The following LAMP2 variants were observed in gnomAD, a reference collection of about 807,000 sequenced individuals.
LAMP2 encodes lysosome-associated membrane glycoprotein 2.
A neutral mutation model predicts 25.6 loss-of-function variants in LAMP2; 4 were observed. The ratio of observed to expected loss-of-function variants is 0.16; its 90% CI spans 0.08 to 0.36. The LOEUF is 0.36. Among genes scored for constraint, LAMP2 ranks in the 10% least tolerant of loss-of-function variants. The pLI is 1.00. For synonymous variants in LAMP2, 108 were observed against 112.7 expected (o/e 0.96, Z 0.27); for missense variants, 272 against 301.4 (o/e 0.90, Z 0.72).
chrX:120,451,525 C>T (rs1201074905), intron 3 of LAMP2, among the ~76,000 whole-genome samples: 2 of 110,938 alleles, frequency 1.8e-5, no homozygotes, highest in African/African-American at 3.3e-5. Flanking sequence ...AGTGCAGTGG[C>T]GTAATCTTGG....
At chrX:120,434,617 T>C (rs949239612) in intron 8 of LAMP2, among the ~76,000 whole-genome samples, 1 of 111,842 alleles carries the variant, frequency 8.9e-6, no homozygotes, top group African/African-American at 3.2e-5. Context: ...AGAAGTGTAT[T>C]TGCAGAAGAA....
rs933435483 is a variant in LAMP2, at chrX:120,427,096, A to G, written c.*4227T>C. Among the ~76,000 whole-genome samples, 1 of 112,008 alleles carries G rather than the reference A, an allele frequency of 8.9e-6. No individual in the cohort carries two copies. Among genetic ancestry groups the G allele is most frequent in the Non-Finnish European group, 1.9e-5 (1 of 53,195 alleles). On this transcript the variant is annotated 3_prime_UTR_variant, in exon 9 of 9. Coordinates refer to ENST00000200639, the MANE Select transcript of LAMP2 (RefSeq NM_002294.3). ...GAGCTTCTGCATTGTGCTGAGAGGT[A>G]GATTGGGACTTAATCCTTGGAATGA...
chrX:120,435,284 C>T lies in LAMP2; in HGVS notation c.1094-3822G>A, dbSNP rs181979564. On this transcript the variant is annotated intron_variant, in intron 8 of 8. Coordinates refer to ENST00000200639, the MANE Select transcript of LAMP2 (RefSeq NM_002294.3). ...TAAATCACATGCATCTGAAAAGATT[C>T]GTGAAGCTACTCAATATCATTCATG... Among the ~76,000 whole-genome samples, 90 of 112,079 alleles carry T rather than the reference C, an allele frequency of 8.0e-4. 1 individual carries two copies. The highest frequency in any genetic ancestry group is 2.7e-3 in the African/African-American group (83 of 30,881).
chrX:120,469,202 G>T lies in LAMP2; in HGVS notation c.-33C>A. On this transcript the variant is annotated 5_prime_UTR_variant, in exon 1 of 9. Coordinates refer to ENST00000200639, the MANE Select transcript of LAMP2 (RefSeq NM_002294.3). ...CAGAGCAGGCGGCGACGGCGGCGAC[G>T]GCGGCGGTACAACAACAGCTGCAAC... 8.4e-7 allele frequency: 1 copy of T among 1,185,909 alleles called. No homozygotes were observed. Among genetic ancestry groups the T allele is most frequent in the Non-Finnish European group, 1.1e-6 (1 of 872,592 alleles).
intron 1 of LAMP2, among the ~76,000 whole-genome samples, chrX:120,464,568 C>T (rs1921457230): frequency 9.0e-6 from 1 of 111,275 alleles, no homozygotes; most frequent in Admixed American, 9.6e-5. Flanking sequence ...AAGATTTATT[C>T]CTATTTCCCC....
chrX:120,438,554 T>C, intron 8 of LAMP2: 2 of 751,782 alleles, frequency 2.7e-6, no homozygotes, highest in Non-Finnish European at 3.1e-6. Flanking sequence ...TAAATACAAA[T>C]GTATTCAAAA....
In LAMP2 at chrX:120,469,134, T is replaced by C. The variant is rs1921663246; in HGVS notation, c.36A>G (p.Ser12=). 1 of 1,212,096 alleles carries C rather than the reference T, an allele frequency of 8.3e-7. No individual in the cohort carries two copies. The highest frequency in any genetic ancestry group is 1.1e-6 in the Non-Finnish European group (1 of 895,535). ...GGACTAGGCAGACCAGAACGAGCCC[T>C]GAGCCCGGAACCGGGAAGAGGCGGA... ...VCFRLFPVPG[S]GLVLVCLVLG... The change falls in exon 1 of 9, where the codon TCA becomes TCG. Residue 12 remains serine, a synonymous_variant. Transcript: ENST00000200639.
intron 6 of LAMP2, among the ~76,000 whole-genome samples, chrX:120,443,309 C>T (rs2058581940): frequency 8.9e-6 from 1 of 111,928 alleles, no homozygotes; most frequent in African/African-American, 3.3e-5. Flanking sequence ...GCAGGATTCT[C>T]TTAGGAAACA....
chrX:120,441,894 A>C lies in LAMP2; in HGVS notation c.929T>G (p.Val310Gly). ...NISMYLVNGS[V>G]FSIANNNLSY... The stretch of plus-strand genomic sequence containing the variant: ...GAGATTGTTATTTGCAATGCTGAAA[A>C]CTTCAAAGAAAAGAAACAGGTTAGT... The change falls in exon 8 of 9, where the codon GTT (valine) becomes GGT (glycine). Residue 310 changes from valine to glycine, a missense_variant and splice_region_variant. Physicochemically the swap from Val to Gly is moderately radical, Grantham distance 109 (BLOSUM62 -3). Transcript: ENST00000200639. The C allele has an allele frequency of 8.3e-7, 1 of 1,208,147 alleles. No homozygotes were observed. Among genetic ancestry groups the C allele is most frequent in the Non-Finnish European group, 1.1e-6 (1 of 892,531 alleles).
rs753133641 is a variant in LAMP2 at position 120,431,063 on chromosome X, A to C, written c.*260T>G. The C allele has an allele frequency of 1.3e-5, 12 of 953,063 alleles. No individual in the cohort carries two copies. The highest frequency in any genetic ancestry group is 1.6e-5 in the Non-Finnish European group (12 of 760,357). The allele number at this position is 953,063 out of a possible 1,213,427, so 78.5% of individuals were successfully genotyped here. A position where few individuals can be genotyped will look rare whatever the true frequency, so the allele number is the denominator to read the frequency against. ...ATCAAAATTTGGCCAGGGCTTCTTA[A>C]GATAGACCTTAAAACATTGCACGTT... On this transcript the variant is annotated 3_prime_UTR_variant, in exon 9 of 9. Coordinates refer to ENST00000200639, the MANE Select transcript of LAMP2 (RefSeq NM_002294.3).
In LAMP2 at chrX:120,431,466, G is replaced by A. The variant is rs768756537; in HGVS notation, c.1094-4C>T. On this transcript the variant is annotated splice_region_variant and splice_polypyrimidine_tract_variant and intron_variant, in intron 8 of 8. Coordinates refer to ENST00000200639, the MANE Select transcript of LAMP2 (RefSeq NM_002294.3). Reference sequence around the variant, plus strand: ...TCATCTGCACTGCAGTCTTGAGCTAGATGTGGAGAAAGGACAATTGAGAAC... The same window carrying A: ...TCATCTGCACTGCAGTCTTGAGCTAAATGTGGAGAAAGGACAATTGAGAAC... 3.5e-5 allele frequency: 42 copies of A among 1,202,962 alleles called. No homozygotes were observed. The South Asian group carries it at 7.4e-4, about 21-fold the overall frequency.
intron 1 of LAMP2, among the ~76,000 whole-genome samples, chrX:120,459,475 T>C (rs1462458361): frequency 9.0e-6 from 1 of 111,529 alleles, no homozygotes; most frequent in African/African-American, 3.3e-5. Context: ...AGGTGTGGAG[T>C]AACAGAAGCA....
At position 120,431,387 on chromosome X, in the gene LAMP2, A is replaced by G; in HGVS notation, c.1169T>C (p.Ile390Thr). ...AATAAAATAAGCCAGCAACACTAGA[A>G]TAAGTACTCCTGCCAAGGCAGCTCC... ...AVGAALAGVL[I>T]LVLLAYFIGL... is the part of the protein sequence containing the mutation. Residue 390 changes from isoleucine (I) to threonine (T), a missense_variant, in exon 9 of 9, where the codon ATT (isoleucine) becomes ACT (threonine). By Grantham distance (89) the Ile-to-Thr change is moderately conservative. Transcript: ENST00000200639. 8.3e-7 allele frequency: 1 copy of G among 1,210,848 alleles called. No homozygotes were observed. The highest frequency in any genetic ancestry group is 1.1e-6 in the Non-Finnish European group (1 of 894,501).
chrX:120,439,895 A>C (rs975879618), intron 8 of LAMP2, among the ~76,000 whole-genome samples: 1 of 111,155 alleles, frequency 9.0e-6, no homozygotes, highest in African/African-American at 3.3e-5. Context: ...ATGTGATGAG[A>C]ATAGCCAGGC....
Position 120,427,829 on chromosome X carries a change from T to C in LAMP2, c.*3494A>G, listed in dbSNP as rs180681121. Reference sequence around the variant, plus strand: ...TTCAGTATAAATGTCAAGTCTGAGATAATCAGTATATTCCAAACTCTAGAA... The same window carrying C: ...TTCAGTATAAATGTCAAGTCTGAGACAATCAGTATATTCCAAACTCTAGAA... On this transcript the variant is annotated 3_prime_UTR_variant, in exon 9 of 9. Transcript: ENST00000200639. The C allele has an allele frequency of 1.7e-3, 186 of 111,583 alleles. 2 individuals are homozygous for C. Among genetic ancestry groups the C allele is most frequent in the African/African-American group, 5.8e-3 (180 of 30,840 alleles). 9.2% of individuals were successfully genotyped at this position (111,583 alleles called of 1,213,427 possible).
At chrX:120,447,805 C>A in intron 5 of LAMP2, 36 bp downstream of exon 5, 1 of 1,129,982 alleles carries the variant, frequency 8.8e-7, no homozygotes, top group Non-Finnish European at 1.2e-6. Flanking sequence ...AAATGAAATG[C>A]AAAAAGGATG....
chrX:120,442,360 A>G (rs2058577096), intron 7 of LAMP2, among the ~76,000 whole-genome samples: 1 of 111,187 alleles, frequency 9.0e-6, no homozygotes, highest in Admixed American at 9.6e-5. Context: ...ATGTTTCTAT[A>G]GTCTAAAAAT....
chrX:120,466,497 G>A (rs1308203206), intron 1 of LAMP2, among the ~76,000 whole-genome samples: 2 of 111,324 alleles, frequency 1.8e-5, no homozygotes, highest in Non-Finnish European at 3.8e-5. Flanking sequence ...CCAAGGTACA[G>A]TTAAGGCTTC....
intron 1 of LAMP2, among the ~76,000 whole-genome samples, chrX:120,463,229 T>G (rs1274969128): frequency 8.9e-6 from 1 of 112,240 alleles, no homozygotes; most frequent in East Asian, 2.8e-4. Flanking sequence ...TTCAGTTACT[T>G]TATACCCTTG....
Sources: allele counts gnomAD v4.1 joint callset (sites outside exome capture counted in the v4.1 genomes callset), GRCh38; gene constraint gnomAD v4.1.1; transcripts MANE v1.5; gene names NCBI Gene and HGNC (gene_info 2026-07-23, HGNC 2026-07-21).